The following LZTS1 variants were observed in gnomAD, a reference collection of about 807,000 sequenced individuals.
LZTS1 encodes the protein leucine zipper putative tumor suppressor 1.
Under a neutral mutation model 45.8 loss-of-function variants are expected in LZTS1, and 31 were observed. That is an observed-to-expected ratio of 0.68 (90% CI 0.51 to 0.91). The LOEUF is 0.91. Ranked by LOEUF, LZTS1 falls within the 40% of genes least tolerant of loss-of-function variation. LZTS1 has a pLI of 0.00. For synonymous variants in LZTS1, 359 were observed against 357.3 expected, an observed-to-expected ratio of 1.00 and a Z score of -0.05; for missense variants, 821 against 788.9, an observed-to-expected ratio of 1.04 and a Z score of -0.49.
chr8:20,299,989 C>G (rs1395780352), intron 1 of LZTS1, among the ~76,000 whole-genome samples: 1 of 152,220 alleles, frequency 6.6e-6, no homozygotes, highest in Admixed American at 6.5e-5. Context: ...GATTTTAAAA[C>G]CCCAGGTCTA....
rs1377733137 is a variant in LZTS1, at chr8:20,246,625, GA to G, written c.*3096del. ...TCACTGAGTGCCTCTCTGGGGAAGA[GA>G]TGCCCCCATATCCCAGTCCCATGTG... On this transcript the variant is annotated 3_prime_UTR_variant, in exon 4 of 4. Coordinates refer to ENST00000381569, the MANE Select transcript of LZTS1 (RefSeq NM_021020.5). 1.3e-5 allele frequency: 2 copies of G among 152,218 alleles called. No homozygotes were observed. Among genetic ancestry groups the G allele is most frequent in the Non-Finnish European group, 2.9e-5 (2 of 68,094 alleles). 9.4% of individuals were successfully genotyped at this position (152,218 alleles called of 1,614,324 possible).
chr8:20,260,326 G>T (rs1045125033), intron 1 of LZTS1, among the ~76,000 whole-genome samples: 12 of 152,186 alleles, frequency 7.9e-5, no homozygotes, highest in African/African-American at 2.9e-4. Context: ...GGTTTATTGT[G>T]TGTATCTCTA....
chr8:20,252,059 G>A (rs1054121846), intron 3 of LZTS1, among the ~76,000 whole-genome samples: 3 of 152,126 alleles, frequency 2.0e-5, no homozygotes, highest in African/African-American at 4.8e-5. Flanking sequence ...CCTCAACGAT[G>A]GGCTTGAACT....
At chr8:20,301,199 C>A (rs1457718169) in intron 1 of LZTS1, among the ~76,000 whole-genome samples, 1 of 151,292 alleles carries the variant, frequency 6.6e-6, no homozygotes, top group Non-Finnish European at 1.5e-5. Context: ...ATATTCCATG[C>A]AGAAGAAACA....
chr8:20,285,317 G>C (rs1315596822), intron 1 of LZTS1, among the ~76,000 whole-genome samples: 1 of 152,092 alleles, frequency 6.6e-6, no homozygotes, highest in Non-Finnish European at 1.5e-5. Context: ...ACCCTGACCT[G>C]CCTCAGTTCT....
Position 20,249,518 on chromosome 8 carries a change from C to G in LZTS1, c.*204G>C, listed in dbSNP as rs544171153. On this transcript the variant is annotated 3_prime_UTR_variant, in exon 4 of 4. Coordinates refer to ENST00000381569, the MANE Select transcript of LZTS1 (RefSeq NM_021020.5). ...GAAAGCCAGAGGAGTCAGGGCCTGA[C>G]GTCTGGTGGGCTGCAGGGCTGGTGA... is the stretch of plus-strand genomic sequence containing the variant. 3 of 633,156 alleles carry G rather than the reference C, an allele frequency of 4.7e-6. No homozygotes were observed. The African/African-American group carries it at 5.5e-5, about 12-fold the overall frequency. The allele number at this position is 633,156 out of a possible 1,614,324, so 39.2% of individuals were successfully genotyped here.
At chr8:20,296,274 A>T (rs1314559536) in intron 1 of LZTS1, among the ~76,000 whole-genome samples, 1 of 152,226 alleles carries the variant, frequency 6.6e-6, no homozygotes, top group Non-Finnish European at 1.5e-5. Flanking sequence ...CTGTGAGGTC[A>T]GATTCATGCA....
intron 1 of LZTS1, among the ~76,000 whole-genome samples, 197 bp downstream of exon 1, chr8:20,303,543 G>T (rs1801118447): frequency 6.6e-6 from 1 of 152,136 alleles, no homozygotes. Context: ...GAGAAGCGGC[G>T]CCCACCCTGC....
intron 1 of LZTS1, among the ~76,000 whole-genome samples, chr8:20,278,787 T>A (rs1022131155): frequency 6.6e-6 from 1 of 152,178 alleles, no homozygotes; most frequent in Non-Finnish European, 1.5e-5. Flanking sequence ...ATCTTCCACA[T>A]TGCAGCAACT....
In LZTS1 at chr8:20,283,486, T is replaced by C. The variant is rs142144801; in HGVS notation, c.-135+20254A>G. 7.6e-3 allele frequency among the ~76,000 whole-genome samples: 1,160 copies of C among 152,272 alleles called. 7 individuals are homozygous for C. The highest frequency in any genetic ancestry group is 0.027 in the African/African-American group (1,110 of 41,548). Reference sequence around the variant, plus strand: ...TGAGAAATACATTTCTGCTGCCTATTGGCTACCTCGTTCATGGTATTTTTT... The same window carrying C: ...TGAGAAATACATTTCTGCTGCCTATCGGCTACCTCGTTCATGGTATTTTTT... On this transcript the variant is annotated intron_variant, in intron 1 of 3. Transcript: ENST00000381569.
chr8:20,302,489 GC>G (rs1801097582), intron 1 of LZTS1, among the ~76,000 whole-genome samples: 2 of 152,174 alleles, frequency 1.3e-5, no homozygotes, highest in African/African-American at 2.4e-5. Context: ...ACACCCTCTT[GC>G]CGGTACCCGC....
In LZTS1 at chr8:20,249,945, G is replaced by A. The variant is rs574451517; in HGVS notation, c.1568C>T (p.Ser523Leu). ...CACGAGCCGCTCATGCTGGAAGCCC[G>A]AGGACATCTGGTCATGGCCTTGCCG... ...EERQGHDQMS[S>L]GFQHERLVWK... Residue 523 changes from serine (S) to leucine (L), a missense_variant, in exon 4 of 4, where the codon TCG (serine) becomes TTG (leucine). By Grantham distance (145) the Ser-to-Leu change is moderately radical. Transcript: ENST00000381569. 5 of 1,614,130 alleles carry A rather than the reference G, an allele frequency of 3.1e-6. No individual in the cohort carries two copies. The highest frequency in any genetic ancestry group is 3.3e-5 in the Admixed American group (2 of 60,034).
At chr8:20,291,697 C>G (rs1054026625) in intron 1 of LZTS1, among the ~76,000 whole-genome samples, 4 of 151,696 alleles carry the variant, frequency 2.6e-5, no homozygotes, top group Admixed American at 2.6e-4. Flanking sequence ...GACTTTTCTT[C>G]ACGGCACCAA....
chr8:20,247,900 G>C lies in LZTS1; in HGVS notation c.*1822C>G, dbSNP rs1208830672. 2 of 152,762 alleles carry C rather than the reference G, an allele frequency of 1.3e-5. No homozygotes were observed. 9.5% of individuals were successfully genotyped at this position (152,762 alleles called of 1,614,324 possible). A position where few individuals can be genotyped will look rare whatever the true frequency, so the allele number is the denominator to read the frequency against. On this transcript the variant is annotated 3_prime_UTR_variant, in exon 4 of 4. Coordinates refer to ENST00000381569, the MANE Select transcript of LZTS1 (RefSeq NM_021020.5). ...AGCAGGCAGCAGGCGCAGGCATGTG[G>C]GAAGGGATGCTGTCCTGAGAACAGC... is the stretch of plus-strand genomic sequence containing the variant.
chr8:20,275,127 C>T (rs925783083), intron 1 of LZTS1, among the ~76,000 whole-genome samples: 5 of 152,210 alleles, frequency 3.3e-5, no homozygotes, highest in Middle Eastern at 3.4e-3. Context: ...TATGGTTGGG[C>T]GCCATGGCTC....
At chr8:20,269,171 G>A (rs1053827897) in intron 1 of LZTS1, among the ~76,000 whole-genome samples, 1 of 152,178 alleles carries the variant, frequency 6.6e-6, no homozygotes, top group Non-Finnish European at 1.5e-5. Flanking sequence ...CTGGTCCCAC[G>A]TGAGAGAGCA....
intron 1 of LZTS1, among the ~76,000 whole-genome samples, chr8:20,268,667 AAT>A (rs1800412588): frequency 6.6e-6 from 1 of 151,916 alleles, no homozygotes; most frequent in East Asian, 1.9e-4. Flanking sequence ...TTTCTGAGTG[AAT>A]GCATGAATGA....
intron 1 of LZTS1, among the ~76,000 whole-genome samples, chr8:20,294,023 G>A (rs1448558600): frequency 6.6e-6 from 1 of 152,232 alleles, no homozygotes; most frequent in Non-Finnish European, 1.5e-5. Context: ...TTGGCAGTGA[G>A]TATTTGTGTG....
rs1799824231 is a variant in LZTS1, at chr8:20,249,546, A to C, written c.*176T>G. The C allele has an allele frequency of 1.4e-6, 1 of 734,368 alleles. No individual in the cohort carries two copies. Among genetic ancestry groups the C allele is most frequent in the Non-Finnish European group, 2.2e-6 (1 of 460,872 alleles). 45.5% of individuals were successfully genotyped at this position (734,368 alleles called of 1,614,324 possible). A position where few individuals can be genotyped will look rare whatever the true frequency, so the allele number is the denominator to read the frequency against. On this transcript the variant is annotated 3_prime_UTR_variant, in exon 4 of 4. Coordinates refer to ENST00000381569, the MANE Select transcript of LZTS1 (RefSeq NM_021020.5). ...CTGGTGGGCTGCAGGGCTGGTGAGC[A>C]CTGGGACATCAGAGAGGGAAGGAAA...
Sources: gnomAD v4.1 joint callset for allele counts (sites outside exome capture counted in the v4.1 genomes callset) on GRCh38, gnomAD v4.1.1 for gene constraint, MANE v1.5 for transcripts, NCBI Gene and HGNC (gene_info 2026-07-23, HGNC 2026-07-21) for gene names.